ZNF804B: variants seen among roughly 807,000 people sequenced by gnomAD.
ZNF804B encodes zinc finger protein 804B, also known as zinc finger 804B.
ZNF804B carries 80 observed loss-of-function variants against 101.4 expected under a neutral mutation model. The observed-to-expected ratio is 0.79, with a 90% CI of 0.66 to 0.95. The LOEUF (loss-of-function observed/expected upper bound fraction) is 0.95. Among genes scored for constraint, ZNF804B ranks in the 40% least tolerant of loss-of-function variants. The pLI, the probability that ZNF804B is intolerant of heterozygous loss-of-function variation, is 0.00. For synonymous variants in ZNF804B, 622 were observed against 558.8 expected, an observed-to-expected ratio of 1.11 and a Z score of -1.59; for missense variants, 1,673 against 1,561.9, an observed-to-expected ratio of 1.07 and a Z score of -1.20.
rs139600853 is a variant in ZNF804B at position 89,150,932 on chromosome 7, CT to C, written c.109-67221del. On this transcript the variant is annotated intron_variant, in intron 1 of 3. Coordinates refer to ENST00000333190, the MANE Select transcript of ZNF804B (RefSeq NM_181646.5). ...CAGTAATTAGTGCACAGTTTAAGCA[CT>C]TAAATAACTGAACTCTTGTGCTTAA... is the stretch of plus-strand genomic sequence containing the variant. Among the ~76,000 whole-genome samples, 249 of 152,090 alleles carry C rather than the reference CT, an allele frequency of 1.6e-3. 1 individual carries two copies. Among genetic ancestry groups the C allele is most frequent in the African/African-American group, 5.4e-3 (226 of 41,504 alleles).
chr7:88,956,833 G>A lies in ZNF804B; in HGVS notation c.108+196749G>A, dbSNP rs146613200. Among the ~76,000 whole-genome samples, 837 of 151,472 alleles carry A rather than the reference G, an allele frequency of 5.5e-3. 4 individuals carry two copies. The highest frequency in any genetic ancestry group is 8.8e-3 in the Non-Finnish European group (594 of 67,560). On this transcript the variant is annotated intron_variant, in intron 1 of 3. Transcript: ENST00000333190. ...TATTTCTCTAAAATTCTGTACAAATGCTAGCAACTCTATTTTACTTTTGTT... is the reference window on the plus strand; with the variant it reads ...TATTTCTCTAAAATTCTGTACAAATACTAGCAACTCTATTTTACTTTTGTT...
intron 1 of ZNF804B, among the ~76,000 whole-genome samples, chr7:88,827,411 T>C (rs1791065137): frequency 6.7e-6 from 1 of 150,024 alleles, no homozygotes; most frequent in South Asian, 2.1e-4. Context: ...TATATATGTG[T>C]CTTTGTATTT....
At chr7:89,047,944 T>A (rs1222241210) in intron 1 of ZNF804B, among the ~76,000 whole-genome samples, 2 of 152,104 alleles carry the variant, frequency 1.3e-5, no homozygotes, top group Admixed American at 1.3e-4. Flanking sequence ...TGTTTTCTTT[T>A]TCCTTTCTTT....
chr7:89,274,157 C>A (rs1208850), intron 2 of ZNF804B, among the ~76,000 whole-genome samples: 95,231 of 146,258 alleles, frequency 0.65, 31,809 homozygotes, highest in African/African-American at 0.77. Context: ...ATTTTATTTT[C>A]TTTTTCTTTT....
At chr7:88,871,914 G>A (rs1336537305) in intron 1 of ZNF804B, among the ~76,000 whole-genome samples, 3 of 152,062 alleles carry the variant, frequency 2.0e-5, no homozygotes, top group African/African-American at 7.2e-5. Flanking sequence ...GTTGTGGTAA[G>A]CCAAGATTGC....
chr7:89,047,071 T>G (rs1471055016), intron 1 of ZNF804B, among the ~76,000 whole-genome samples: 1 of 152,124 alleles, frequency 6.6e-6, no homozygotes, highest in Non-Finnish European at 1.5e-5. Context: ...GGTTTTAAAA[T>G]TATGTTAAAT....
intron 1 of ZNF804B, among the ~76,000 whole-genome samples, chr7:89,037,484 A>G (rs1055170284): frequency 2.0e-5 from 3 of 151,810 alleles, no homozygotes; most frequent in African/African-American, 7.3e-5. Context: ...ATATATGTAT[A>G]TATTTATTTT....
intron 2 of ZNF804B, among the ~76,000 whole-genome samples, chr7:89,239,801 TTA>T (rs35773657): frequency 3.3e-5 from 5 of 149,894 alleles, no homozygotes; most frequent in African/African-American, 7.3e-5. Context: ...TCATTTTTCT[TTA>T]TATATATATA....
In ZNF804B at chr7:89,038,418, T is replaced by C. The variant is rs1316550701; in HGVS notation, c.109-179737T>C. ...TGCATATTTCTCTAATGATTAGTAA[T>C]GTTAAGCATCTTTTAACATATCTAT... On this transcript the variant is annotated intron_variant, in intron 1 of 3. Transcript: ENST00000333190. 2.0e-5 allele frequency among the ~76,000 whole-genome samples: 3 copies of C among 152,346 alleles called. No homozygotes were observed. In the East Asian group the frequency reaches 5.8e-4, roughly 29 times the overall value.
At chr7:89,111,568 A>G (rs2116352861) in intron 1 of ZNF804B, among the ~76,000 whole-genome samples, 1 of 152,172 alleles carries the variant, frequency 6.6e-6, no homozygotes, top group Admixed American at 6.5e-5. Flanking sequence ...TTTTAGTTGT[A>G]TTTTTATTGT....
Position 89,336,072 on chromosome 7 carries a change from A to T in ZNF804B, c.3090A>T (p.Ile1030=), listed in dbSNP as rs1584134128. 2 of 1,613,986 alleles carry T rather than the reference A, an allele frequency of 1.2e-6. No individual in the cohort carries two copies. The highest frequency in any genetic ancestry group is 4.5e-5 in the East Asian group (2 of 44,860). ...TDCDNHLSKG[I]IHLVTESQSL... The stretch of plus-strand genomic sequence containing the variant: ...GTGATAACCATCTTTCTAAAGGTAT[A>T]ATTCACCTAGTAACAGAGTCTCAGT... Residue 1030 remains isoleucine (I), a synonymous_variant, in exon 4 of 4, where the codon ATA becomes ATT. Coordinates refer to ENST00000333190, the MANE Select transcript of ZNF804B (RefSeq NM_181646.5).
intron 1 of ZNF804B, among the ~76,000 whole-genome samples, chr7:88,805,934 C>T (rs531123343): frequency 1.1e-4 from 16 of 150,594 alleles, no homozygotes; most frequent in South Asian, 4.2e-4. Flanking sequence ...GTGTGCCTTG[C>T]GTGCTGAAAT....
At chr7:88,858,529 T>C (rs148850926) in intron 1 of ZNF804B, among the ~76,000 whole-genome samples, 46 of 152,254 alleles carry the variant, frequency 3.0e-4, no homozygotes, top group African/African-American at 1.1e-3. Context: ...ATGAATATTT[T>C]ATAGTTGGTG....
chr7:88,798,645 A>T (rs3915190), intron 1 of ZNF804B, among the ~76,000 whole-genome samples: 24,932 of 152,094 alleles, frequency 0.16, 2,108 homozygotes, highest in African/African-American at 0.21. Flanking sequence ...TTTAAAGGCA[A>T]CTTGTTTTCT....
chr7:89,139,440 C>G (rs545939899), intron 1 of ZNF804B, among the ~76,000 whole-genome samples: 3 of 152,144 alleles, frequency 2.0e-5, no homozygotes, highest in African/African-American at 7.2e-5. Flanking sequence ...TCTCTGTAAC[C>G]TGCAATGCTG....
At chr7:89,235,622 A>C (rs1195543339) in intron 2 of ZNF804B, among the ~76,000 whole-genome samples, 2 of 152,196 alleles carry the variant, frequency 1.3e-5, no homozygotes. Context: ...ATATTTGAAA[A>C]AAAGAACTTA....
At chr7:89,034,639 C>T in intron 1 of ZNF804B, among the ~76,000 whole-genome samples, 1 of 152,144 alleles carries the variant, frequency 6.6e-6, no homozygotes, top group East Asian at 1.9e-4. Context: ...TTTTCTTTAT[C>T]CAGTCTATCA....
intron 2 of ZNF804B, among the ~76,000 whole-genome samples, chr7:89,300,131 A>G (rs963934125): frequency 6.6e-6 from 1 of 151,624 alleles, no homozygotes; most frequent in Admixed American, 6.6e-5. Flanking sequence ...AAGTACAGTT[A>G]CGGCCATGTC....
intron 1 of ZNF804B, among the ~76,000 whole-genome samples, chr7:88,946,897 A>G (rs1456457486): frequency 6.6e-6 from 1 of 151,984 alleles, no homozygotes; most frequent in African/African-American, 2.4e-5. Flanking sequence ...TATGTGGCCA[A>G]TAAACATACG....
Sources: gnomAD v4.1 joint callset for allele counts (sites outside exome capture counted in the v4.1 genomes callset) on GRCh38, gnomAD v4.1.1 for gene constraint, MANE v1.5 for transcripts, NCBI Gene and HGNC (gene_info 2026-07-23, HGNC 2026-07-21) for gene names.